Variants in LARGE1 observed in about 807,000 individuals in gnomAD.
LARGE1 encodes LARGE xylosyl- and glucuronyltransferase 1.
A neutral mutation model predicts 87.6 loss-of-function variants in LARGE1; 43 were observed. That is an observed-to-expected ratio of 0.49 (90% CI 0.38 to 0.63). The LOEUF (loss-of-function observed/expected upper bound fraction) is 0.63, where lower values mean the gene tolerates loss of function less well. Among genes scored for constraint, LARGE1 ranks in the 30% least tolerant of loss-of-function variants. The pLI is 0.00. For missense variants in LARGE1, 802 were observed against 1,000.2 expected, an observed-to-expected ratio of 0.80 and a Z score of 2.67; for synonymous variants, 434 against 394.6, an observed-to-expected ratio of 1.10 and a Z score of -1.18.
intron 1 of LARGE1, among the ~76,000 whole-genome samples, chr22:33,778,376 C>T (rs930194685): frequency 6.6e-6 from 1 of 152,150 alleles, no homozygotes; most frequent in African/African-American, 2.4e-5. Context: ...TTAACAAGTA[C>T]AATTCATGGC....
At chr22:33,239,520 T>G (rs1602134389) in intron 11 of LARGE1, among the ~76,000 whole-genome samples, 1 of 148,990 alleles carries the variant, frequency 6.7e-6, no homozygotes, top group Admixed American at 6.8e-5. Flanking sequence ...GCCTTACTAT[T>G]TCTTTTTTTC....
At chr22:33,689,173 T>C (rs1022363824) in intron 2 of LARGE1, among the ~76,000 whole-genome samples, 3 of 113,310 alleles carry the variant, frequency 2.6e-5, no homozygotes, top group African/African-American at 9.7e-5. Context: ...CTCTCCCCCC[T>C]CCTGTGTGTG....
chr22:33,771,597 C>T (rs140332572), intron 1 of LARGE1, among the ~76,000 whole-genome samples: 1,852 of 152,212 alleles, frequency 0.012, 37 homozygotes, highest in African/African-American at 0.043. Context: ...TTCTTTCTCT[C>T]CCTAGGTGAA....
At chr22:33,722,445 C>T (rs982290332) in intron 2 of LARGE1, among the ~76,000 whole-genome samples, 1 of 152,008 alleles carries the variant, frequency 6.6e-6, no homozygotes, top group African/African-American at 2.4e-5. Flanking sequence ...ATACTAAGGT[C>T]AATGATGTGG....
the LARGE1 span, among the ~76,000 whole-genome samples, chr22:33,126,844 A>T: frequency 2.0e-5 from 3 of 152,220 alleles, no homozygotes; most frequent in East Asian, 5.8e-4. Flanking sequence ...TGCACAGATA[A>T]ATTCTGTCCC....
chr22:33,844,935 G>C (rs1254874838), intron 1 of LARGE1, among the ~76,000 whole-genome samples: 1 of 151,954 alleles, frequency 6.6e-6, no homozygotes. Flanking sequence ...GGTTAGGCTG[G>C]TCTTGAACTC....
intron 6 of LARGE1, among the ~76,000 whole-genome samples, chr22:33,548,915 G>A (rs1009015681): frequency 2.0e-5 from 3 of 152,204 alleles, no homozygotes; most frequent in South Asian, 2.1e-4. Flanking sequence ...AAGCAGTAAC[G>A]AAGAGAAGCC....
In LARGE1 at chr22:33,418,092, C is replaced by T. The variant is rs111858236; in HGVS notation, c.892+14069G>A. 3.3e-5 allele frequency among the ~76,000 whole-genome samples: 5 copies of T among 152,294 alleles called. 1 individual carries two copies. Among genetic ancestry groups the T allele is most frequent in the South Asian group, 2.1e-4 (1 of 4,824 alleles). ...CCTCTCAAGTAGCTGGGACTACAGGCATGTGCCACCATGCCTGGCTAATTG... is the reference window on the plus strand; with the variant it reads ...CCTCTCAAGTAGCTGGGACTACAGGTATGTGCCACCATGCCTGGCTAATTG... On this transcript the variant is annotated intron_variant, in intron 7 of 14. Transcript: ENST00000397394.
chr22:33,613,980 G>A (rs1326658475), intron 4 of LARGE1, among the ~76,000 whole-genome samples: 3 of 152,100 alleles, frequency 2.0e-5, no homozygotes. Context: ...TATGCCCTGG[G>A]CCCCCCACCC....
chr22:33,916,431 G>A (rs1029174656), intron 1 of LARGE1, among the ~76,000 whole-genome samples: 5 of 152,178 alleles, frequency 3.3e-5, no homozygotes, highest in Admixed American at 1.3e-4. Flanking sequence ...TTTGTTAAAC[G>A]AAAAGATGAA....
At chr22:33,919,379 T>C (rs1601918332) in intron 1 of LARGE1, among the ~76,000 whole-genome samples, 1 of 152,186 alleles carries the variant, frequency 6.6e-6, no homozygotes, top group Non-Finnish European at 1.5e-5. Flanking sequence ...TCAAAAGCAG[T>C]GACATTTACA....
intron 11 of LARGE1, among the ~76,000 whole-genome samples, chr22:33,307,176 C>G: frequency 6.6e-6 from 1 of 152,180 alleles, no homozygotes; most frequent in African/African-American, 2.4e-5. Flanking sequence ...TTACCTGCTG[C>G]TTGTCATGTC....
chr22:33,721,851 C>T (rs2083107031), intron 2 of LARGE1, among the ~76,000 whole-genome samples: 1 of 152,136 alleles, frequency 6.6e-6, no homozygotes, highest in Admixed American at 6.5e-5. Flanking sequence ...ATGTACAACC[C>T]CCATACTGTT....
At chr22:33,818,835 C>T (rs1466332365) in intron 1 of LARGE1, among the ~76,000 whole-genome samples, 1 of 152,150 alleles carries the variant, frequency 6.6e-6, no homozygotes, top group Non-Finnish European at 1.5e-5. Context: ...AAGAACTCAG[C>T]AGGGCAAGAG....
intron 2 of LARGE1, among the ~76,000 whole-genome samples, chr22:33,721,582 A>G (rs2083098246): frequency 6.6e-6 from 1 of 152,226 alleles, no homozygotes; most frequent in East Asian, 1.9e-4. Context: ...AAGTGTCTTT[A>G]AAGACGATCT....
intron 1 of LARGE1, among the ~76,000 whole-genome samples, chr22:33,767,735 G>C (rs1293917491): frequency 6.6e-6 from 1 of 151,916 alleles, no homozygotes; most frequent in African/African-American, 2.4e-5. Context: ...CATGAAGAAG[G>C]AATAAAAATC....
intron 4 of LARGE1, among the ~76,000 whole-genome samples, chr22:33,607,496 A>T (rs957637822): frequency 1.3e-4 from 20 of 148,494 alleles, no homozygotes; most frequent in Admixed American, 1.3e-3. Context: ...TGTCTATCCC[A>T]GGAAGAGCAA....
chr22:33,182,158 C>T (rs77478091), intron 11 of LARGE1, among the ~76,000 whole-genome samples: 2 of 152,192 alleles, frequency 1.3e-5, no homozygotes, highest in African/African-American at 4.8e-5. Context: ...AGTCAGTAAC[C>T]AAATATTGAA....
intron 1 of LARGE1, among the ~76,000 whole-genome samples, chr22:33,841,019 A>G (rs1268183648): frequency 6.6e-6 from 1 of 152,248 alleles, no homozygotes; most frequent in Non-Finnish European, 1.5e-5. Flanking sequence ...TTTTCAGTAC[A>G]GTATTTAATA....
Sources: gnomAD v4.1 joint callset for allele counts (sites outside exome capture counted in the v4.1 genomes callset) on GRCh38, gnomAD v4.1.1 for gene constraint, MANE v1.5 for transcripts, NCBI Gene and HGNC (gene_info 2026-07-23, HGNC 2026-07-21) for gene names.